Variants in NID1 observed in about 807,000 individuals in gnomAD.
NID1 encodes the protein nidogen 1, also known as nidogen-1.
A neutral mutation model predicts 130.6 loss-of-function variants in NID1; 76 were observed. That is an observed-to-expected ratio of 0.58 (90% CI 0.48 to 0.70). The LOEUF is 0.70. Ranked by LOEUF, NID1 falls within the 30% of genes least tolerant of loss-of-function variation. The pLI, the probability that NID1 is intolerant of heterozygous loss-of-function variation, is 0.00. For missense variants in NID1, 1,517 were observed against 1,664.8 expected (o/e 0.91, Z 1.54); for synonymous variants, 665 against 675.1 (o/e 0.98, Z 0.23).
chr1:235,981,899 C>A (rs1186958518), intron 15 of NID1, 117 bp from the exon 16 acceptor site: 1 of 891,866 alleles, frequency 1.1e-6, no homozygotes, highest in Non-Finnish European at 1.7e-6. Flanking sequence ...CTTTAAGAAA[C>A]CAAATGGGAA....
intron 1 of NID1, among the ~76,000 whole-genome samples, chr1:236,053,897 GT>G (rs1220183747): frequency 6.6e-6 from 1 of 152,160 alleles, no homozygotes; most frequent in African/African-American, 2.4e-5. Context: ...CATTACTGCC[GT>G]TCTTGCCACT....
intron 3 of NID1, among the ~76,000 whole-genome samples, chr1:236,043,710 A>G (rs952520178): frequency 1.3e-5 from 2 of 152,134 alleles, no homozygotes; most frequent in African/African-American, 4.8e-5. Flanking sequence ...AAGCAGGAGA[A>G]TGGCGTGAAC....
At position 235,990,969 on chromosome 1, in the gene NID1, CAA is replaced by C; in HGVS notation, c.2843_2844del (p.Phe948CysfsTer7). 6.2e-7 allele frequency: 1 copy of C among 1,614,112 alleles called. No homozygotes were observed. Among genetic ancestry groups the C allele is most frequent in the South Asian group, 1.1e-5 (1 of 91,080 alleles). ...AGGCGCTCAATCTTCCCAGTCTGGG[CAA>C]AGAGTAAATGGGTCCCAGGAGGCAA... ...IPLPPGTHLL[F>X]AQTGKIERLP... is the part of the protein sequence containing the mutation. On this transcript the variant is annotated frameshift_variant, in exon 14 of 20. Transcript: ENST00000264187. LOFTEE classifies it high-confidence loss of function.
intron 1 of NID1, among the ~76,000 whole-genome samples, chr1:236,062,704 G>A (rs1184721008): frequency 1.3e-5 from 2 of 151,322 alleles, no homozygotes; most frequent in Non-Finnish European, 2.9e-5. Flanking sequence ...TATGAATGCA[G>A]GCAACAAAGC....
Position 235,977,941 on chromosome 1 carries a change from A to C in NID1, c.3670T>G (p.Leu1224Val), listed in dbSNP as rs1050841326. 2 of 1,614,178 alleles carry C rather than the reference A, an allele frequency of 1.2e-6. No individual in the cohort carries two copies. Among genetic ancestry groups the C allele is most frequent in the Non-Finnish European group, 1.7e-6 (2 of 1,180,032 alleles). The change falls in exon 20 of 20, where the codon TTG (leucine) becomes GTG (valine). Residue 1224 changes from leucine (L) to valine (V), a missense_variant. Leu to Val is a conservative substitution (Grantham distance 32, BLOSUM62 1). Transcript: ENST00000264187. ...VNNGGCTHLC[L>V]ATPGSRTCRC... ...CAGGTCCTGCTCCCTGGGGTGGCCA[A>C]GCATAGGTGGGTGCAGCCGCCATTG...
intron 8 of NID1, among the ~76,000 whole-genome samples, chr1:236,024,780 T>A (rs2102825676): frequency 6.6e-6 from 1 of 152,274 alleles, no homozygotes; most frequent in Admixed American, 6.5e-5. Flanking sequence ...AAATGTGAAG[T>A]CTGACACTGG....
Position 236,038,161 on chromosome 1 carries a change from A to G in NID1, c.1228T>C (p.Phe410Leu). 6.2e-7 allele frequency: 1 copy of G among 1,611,242 alleles called. No homozygotes were observed. ...TAGCCAGCGACACAGCTGCAGCAGA[A>G]GCCCGTGGCGTAGTCCCTGCACTCT... ...HAECRDYATGFCCSCVAGYTG... is the reference protein window; with the variant it reads ...HAECRDYATGLCCSCVAGYTG... The change falls in exon 5 of 20, where the codon TTC becomes CTC. Residue 410 changes from phenylalanine to leucine, a missense_variant. Transcript: ENST00000264187.
intron 1 of NID1, among the ~76,000 whole-genome samples, chr1:236,062,406 G>A (rs371389216): frequency 1.2e-4 from 18 of 152,102 alleles, no homozygotes; most frequent in Non-Finnish European, 2.2e-4. Flanking sequence ...AGGCCAAGGC[G>A]GGCGGATCAC....
intron 1 of NID1, among the ~76,000 whole-genome samples, chr1:236,053,933 TA>T (rs1160350680): frequency 2.6e-5 from 4 of 152,086 alleles, no homozygotes; most frequent in Admixed American, 6.6e-5. Context: ...ATTACTAAAA[TA>T]AAATAAATAA....
In NID1 at chr1:235,979,647, C is replaced by T. The variant is rs1418136650; in HGVS notation, c.3509+175G>A. ...GCCTTGTCCTCCCTCCTTCTTCATG[C>T]TCCTCTCTTGGCTCCTGACAACCAG... On this transcript the variant is annotated intron_variant, in intron 18 of 19. Transcript: ENST00000264187. The surrounding 1 kb of genome is among the most constrained non-coding windows in gnomAD (Gnocchi z 4.6). Among the ~76,000 whole-genome samples the T allele has an allele frequency of 2.0e-5, 3 of 152,160 alleles. No individual in the cohort carries two copies. Among genetic ancestry groups the T allele is most frequent in the African/African-American group, 7.2e-5 (3 of 41,430 alleles).
chr1:235,982,269 G>C (rs1657458562), intron 15 of NID1, among the ~76,000 whole-genome samples: 1 of 152,210 alleles, frequency 6.6e-6, no homozygotes, highest in Non-Finnish European at 1.5e-5. Context: ...AGGAAGGCTG[G>C]ATGGTGGCTT....
intron 10 of NID1, among the ~76,000 whole-genome samples, chr1:236,015,107 T>G (rs1034035442): frequency 1.3e-5 from 2 of 152,178 alleles, no homozygotes; most frequent in Non-Finnish European, 2.9e-5. Context: ...GAGCACACCT[T>G]GCCCCATTTA....
intron 12 of NID1, among the ~76,000 whole-genome samples, chr1:236,001,679 A>G (rs1473137120): frequency 6.6e-6 from 1 of 152,218 alleles, no homozygotes; most frequent in Non-Finnish European, 1.5e-5. Flanking sequence ...CCATTCTCAC[A>G]GGGCTAGAGA....
intron 1 of NID1, among the ~76,000 whole-genome samples, chr1:236,057,061 C>A (rs1659916062): frequency 6.6e-6 from 1 of 152,054 alleles, no homozygotes; most frequent in Non-Finnish European, 1.5e-5. Flanking sequence ...GAGTTTGAGG[C>A]CAGCCTGACC....
chr1:236,014,208 C>A (rs1658516973), intron 10 of NID1, among the ~76,000 whole-genome samples: 1 of 135,300 alleles, frequency 7.4e-6, no homozygotes, highest in African/African-American at 2.6e-5. Context: ...TGTTCTTCCC[C>A]CCACCCCCTC....
At chr1:236,014,941 C>T (rs1476719438) in intron 10 of NID1, among the ~76,000 whole-genome samples, 1 of 152,204 alleles carries the variant, frequency 6.6e-6, no homozygotes, top group Non-Finnish European at 1.5e-5. Context: ...AGTTGGTTCC[C>T]AGTGGAAAAG....
At chr1:236,002,160 G>A (rs1478907449) in intron 12 of NID1, among the ~76,000 whole-genome samples, 1 of 152,226 alleles carries the variant, frequency 6.6e-6, no homozygotes, top group Non-Finnish European at 1.5e-5. Context: ...ATGGGACAGA[G>A]AGGAAGAGCA....
chr1:236,048,859 T>C lies in NID1; in HGVS notation c.356A>G (p.Lys119Arg), dbSNP rs1312795471. 1 of 1,613,976 alleles carries C rather than the reference T, an allele frequency of 6.2e-7. No homozygotes were observed. The highest frequency in any genetic ancestry group is 8.5e-7 in the Non-Finnish European group (1 of 1,180,014). Residue 119 changes from lysine to arginine, a missense_variant, in exon 2 of 20, where the codon AAG (lysine) becomes AGG (arginine). Around this residue, in one of 3 missense-constraint regions of NID1, gnomAD observed 1,329 missense variants for 1,429.2 expected, o/e 0.93. Transcript: ENST00000264187. ...GGATAAGTCTTCTCGATAATAAACC[T>C]TCCCCAGGCCATCGGTCGTGTCCAA... ...ADLDTTDGLG[K>R]VYYREDLSPS...
intron 12 of NID1, 33 bp from the exon 13 acceptor site, chr1:235,993,905 A>G (rs772365681): frequency 8.2e-6 from 13 of 1,587,558 alleles, no homozygotes; most frequent in Middle Eastern, 1.7e-4. Flanking sequence ...GAAAGCTGTC[A>G]GGTGCGTCAT....
Sources: gnomAD v4.1 joint callset for allele counts (sites outside exome capture counted in the v4.1 genomes callset) on GRCh38, gnomAD v4.1.1 for gene constraint, gnomAD v4.1.1 regional missense constraint, Gnocchi (gnomAD v3.1) non-coding constraint, MANE v1.5 for transcripts, NCBI Gene and HGNC (gene_info 2026-07-23, HGNC 2026-07-21) for gene names.